The following ZBTB7C variants were observed in gnomAD, a reference collection of about 807,000 sequenced individuals.
ZBTB7C encodes zinc finger and BTB domain containing 7C, also known as zinc finger and BTB domain-containing protein 7C.
In ZBTB7C, 8 loss-of-function variants were observed where a neutral mutation model predicts 25.7. The ratio of observed to expected loss-of-function variants is 0.31; its 90% CI spans 0.18 to 0.56. The LOEUF (loss-of-function observed/expected upper bound fraction) is 0.56. ZBTB7C is among the 20% of genes least tolerant of loss of function. The pLI is 0.91. For missense variants in ZBTB7C, 824 were observed against 855.2 expected (o/e 0.96, Z 0.46); for synonymous variants, 394 against 369.0 (o/e 1.07, Z -0.78).
intron 3 of ZBTB7C, among the ~76,000 whole-genome samples, chr18:48,098,075 A>C (rs2038702962): frequency 6.6e-6 from 1 of 152,206 alleles, no homozygotes; most frequent in South Asian, 2.1e-4. Flanking sequence ...ACAAAGAAAC[A>C]AAACCCCCAC....
intron 1 of ZBTB7C, among the ~76,000 whole-genome samples, chr18:48,347,078 G>A (rs186130911): frequency 1.4e-5 from 2 of 147,006 alleles, no homozygotes; most frequent in African/African-American, 5.1e-5. Flanking sequence ...CCACCACGCT[G>A]GGCCAGCATC....
chr18:48,403,434 C>T (rs538173441), intron 1 of ZBTB7C, among the ~76,000 whole-genome samples: 1 of 152,258 alleles, frequency 6.6e-6, no homozygotes, highest in Non-Finnish European at 1.5e-5. Flanking sequence ...TTCATTTCTG[C>T]CTCTAGGCTG....
intron 1 of ZBTB7C, among the ~76,000 whole-genome samples, chr18:48,354,655 T>A (rs1403086246): frequency 1.3e-5 from 2 of 152,148 alleles, no homozygotes; most frequent in African/African-American, 4.8e-5. Flanking sequence ...ACTCAGGAAC[T>A]TGACTTGAGA....
intron 2 of ZBTB7C, among the ~76,000 whole-genome samples, chr18:48,238,787 G>A (rs1395574152): frequency 6.6e-6 from 1 of 152,222 alleles, no homozygotes; most frequent in Non-Finnish European, 1.5e-5. Flanking sequence ...GAATGGGGGT[G>A]AGGTGTGAAC....
chr18:48,411,999 A>G (rs751818166), upstream of ZBTB7C, among the ~76,000 whole-genome samples: 3 of 152,270 alleles, frequency 2.0e-5, no homozygotes, highest in Non-Finnish European at 2.9e-5. Flanking sequence ...TTTAACAGTT[A>G]TCAGCCATGT....
At chr18:48,064,255 TAAC>T (rs1189071631) in intron 3 of ZBTB7C, among the ~76,000 whole-genome samples, 2 of 152,250 alleles carry the variant, frequency 1.3e-5, no homozygotes. Context: ...GGGGAGGTCT[TAAC>T]AAGAAGCTCT....
At chr18:48,236,990 G>C (rs1379657973) in intron 2 of ZBTB7C, among the ~76,000 whole-genome samples, 1 of 152,172 alleles carries the variant, frequency 6.6e-6, no homozygotes, top group Admixed American at 6.5e-5. Flanking sequence ...GAGGGGAAAG[G>C]GCAAGGGTGG....
intron 3 of ZBTB7C, among the ~76,000 whole-genome samples, chr18:48,168,152 C>T (rs1433520809): frequency 6.6e-6 from 1 of 152,216 alleles, no homozygotes; most frequent in Admixed American, 6.5e-5. Flanking sequence ...GGCAAGAGCC[C>T]AGGTGCTGTG....
At chr18:48,228,096 G>A (rs1328628859) in intron 2 of ZBTB7C, among the ~76,000 whole-genome samples, 2 of 152,182 alleles carry the variant, frequency 1.3e-5, no homozygotes, top group Admixed American at 6.5e-5. Flanking sequence ...TGAACAGGTT[G>A]CCATTAAGCA....
chr18:48,311,840 CA>C (rs2045828481), intron 2 of ZBTB7C, among the ~76,000 whole-genome samples: 3 of 152,196 alleles, frequency 2.0e-5, no homozygotes, highest in Admixed American at 1.3e-4. Context: ...GTAGAAAAAG[CA>C]GCCATTTTAG....
At chr18:48,275,299 G>A (rs2144598841) in intron 2 of ZBTB7C, among the ~76,000 whole-genome samples, 1 of 152,314 alleles carries the variant, frequency 6.6e-6, no homozygotes, top group Non-Finnish European at 1.5e-5. Flanking sequence ...TCATCGAAGT[G>A]GTTTTTCCCT....
intron 2 of ZBTB7C, among the ~76,000 whole-genome samples, chr18:48,272,370 C>CTT (rs1405756773): frequency 1.3e-5 from 2 of 152,162 alleles, no homozygotes; most frequent in Non-Finnish European, 2.9e-5. Flanking sequence ...GCCTCTGAGA[C>CTT]TTATACCCTT....
At chr18:48,394,312 C>T (rs143854649) in intron 1 of ZBTB7C, among the ~76,000 whole-genome samples, 4 of 152,192 alleles carry the variant, frequency 2.6e-5, no homozygotes, top group East Asian at 1.9e-4. Context: ...TTAGAGGGGG[C>T]GGTGTCAGTA....
At chr18:48,328,315 C>T (rs1303318392) in intron 2 of ZBTB7C, among the ~76,000 whole-genome samples, 3 of 151,846 alleles carry the variant, frequency 2.0e-5, no homozygotes, top group South Asian at 2.1e-4. Flanking sequence ...GACAGTGACA[C>T]GGATGTGGAT....
chr18:48,215,978 C>T (rs1399158118), intron 2 of ZBTB7C, among the ~76,000 whole-genome samples: 4 of 152,180 alleles, frequency 2.6e-5, no homozygotes, highest in African/African-American at 9.7e-5. Flanking sequence ...TCTTGTCAGT[C>T]TTAACATCTC....
intron 3 of ZBTB7C, among the ~76,000 whole-genome samples, chr18:48,116,013 T>C (rs1205526665): frequency 6.6e-6 from 1 of 152,030 alleles, no homozygotes; most frequent in Non-Finnish European, 1.5e-5. Flanking sequence ...TTTATGTTAT[T>C]ATCCTTCGCG....
At chr18:48,206,285 GACATATTC>G (rs879696182) in intron 2 of ZBTB7C, among the ~76,000 whole-genome samples, 12 of 152,264 alleles carry the variant, frequency 7.9e-5, no homozygotes, top group Non-Finnish European at 1.6e-4. Context: ...TCCAGAGATA[GACATATTC>G]ACATATGGTC....
intron 2 of ZBTB7C, among the ~76,000 whole-genome samples, chr18:48,303,486 C>A (rs564336862): frequency 6.6e-6 from 1 of 152,336 alleles, no homozygotes; most frequent in East Asian, 1.9e-4. Flanking sequence ...CCTGACACTA[C>A]AAGTTCATTC....
intron 2 of ZBTB7C, among the ~76,000 whole-genome samples, chr18:48,231,744 GAGA>G (rs202160248): frequency 0.021 from 3,210 of 152,304 alleles, 57 homozygotes; most frequent in Middle Eastern, 0.041. Flanking sequence ...GGAGAGAAGA[GAGA>G]AGGAGAGAAG....
Sources: gnomAD v4.1 joint callset for allele counts (sites outside exome capture counted in the v4.1 genomes callset) on GRCh38, gnomAD v4.1.1 for gene constraint, MANE v1.5 for transcripts, NCBI Gene and HGNC (gene_info 2026-07-23, HGNC 2026-07-21) for gene names.